ALDH1A3: variants seen among roughly 807,000 people sequenced by gnomAD.
ALDH1A3 encodes the protein retinaldehyde dehydrogenase 3.
A neutral mutation model predicts 57.5 loss-of-function variants in ALDH1A3; 28 were observed. That is an observed-to-expected ratio of 0.49 (90% CI 0.36 to 0.67). ALDH1A3 has a LOEUF of 0.67. ALDH1A3 is among the 30% of genes least tolerant of loss of function. The probability of loss-of-function intolerance (pLI) is 0.00; values close to 1 mark genes in which losing one functional copy is unlikely to be tolerated. For synonymous variants in ALDH1A3, 281 were observed against 264.8 expected, an observed-to-expected ratio of 1.06 and a Z score of -0.59; for missense variants, 507 against 669.4, an observed-to-expected ratio of 0.76 and a Z score of 2.68.
intron 9 of ALDH1A3, among the ~76,000 whole-genome samples, chr15:100,901,857 A>T (rs1224305756): frequency 6.6e-6 from 1 of 152,196 alleles, no homozygotes; most frequent in African/African-American, 2.4e-5. Context: ...ATTTCTGGCC[A>T]TCAGTGCCCA....
At chr15:100,880,180 C>T (rs1305872739) in intron 1 of ALDH1A3, 174 bp downstream of exon 1, 2 of 420,238 alleles carry the variant, frequency 4.8e-6, no homozygotes, top group Middle Eastern at 6.1e-4. Flanking sequence ...CGGGACGTCT[C>T]GGGCGGGATC....
At chr15:100,891,775 A>G (rs550204915) in intron 3 of ALDH1A3, among the ~76,000 whole-genome samples, 6 of 152,368 alleles carry the variant, frequency 3.9e-5, no homozygotes, top group African/African-American at 1.4e-4. Flanking sequence ...AACTGGGGCC[A>G]CTTGTCTGAG....
chr15:100,880,027 AC>A, intron 1 of ALDH1A3, 21 bp downstream of exon 1: 1 of 1,429,190 alleles, frequency 7.0e-7, no homozygotes, highest in African/African-American at 1.5e-5. Context: ...CGCCCCTCCC[AC>A]CCGACGGCCG....
intron 12 of ALDH1A3, among the ~76,000 whole-genome samples, chr15:100,909,359 G>A (rs1475127921): frequency 1.4e-5 from 2 of 138,654 alleles, no homozygotes; most frequent in East Asian, 2.1e-4. Context: ...AACCCTCCAC[G>A]TGTGCATGTA....
intron 1 of ALDH1A3, 147 bp downstream of exon 1, chr15:100,880,153 A>G (rs1022692273): frequency 3.2e-5 from 15 of 464,180 alleles, no homozygotes; most frequent in Admixed American, 1.3e-4. Context: ...GCGGCTCTCC[A>G]GAAACCGCAC....
rs1423678869 is a variant in ALDH1A3 at position 100,889,942 on chromosome 15, G to T, written c.345+2230G>T. Among the ~76,000 whole-genome samples, 1 of 152,192 alleles carries T rather than the reference G, an allele frequency of 6.6e-6. No individual in the cohort carries two copies. Among genetic ancestry groups the T allele is most frequent in the Non-Finnish European group, 1.5e-5 (1 of 68,034 alleles). ...TGCTCTCCACCTCGATATGGTTTCC[G>T]TGCATGTTCATGGAGCGTGTTCTCT... On this transcript the variant is annotated intron_variant, in intron 3 of 12. Coordinates refer to ENST00000329841, the MANE Select transcript of ALDH1A3 (RefSeq NM_000693.4). The surrounding 1 kb of genome is among the most constrained non-coding windows in gnomAD (Gnocchi z 5.1).
intron 9 of ALDH1A3, among the ~76,000 whole-genome samples, chr15:100,903,766 A>C (rs1169804575): frequency 6.6e-6 from 1 of 152,246 alleles, no homozygotes; most frequent in East Asian, 1.9e-4. Context: ...AGCAAGGTAG[A>C]ACATCTTATT....
chr15:100,885,655 CTTTTTTT>C (rs4646657), intron 2 of ALDH1A3, among the ~76,000 whole-genome samples: 6 of 138,348 alleles, frequency 4.3e-5, no homozygotes, highest in East Asian at 2.1e-4. Flanking sequence ...TTTCTTTTTT[CTTTTTTT>C]TTTTTTTTTA....
In ALDH1A3 at chr15:100,905,577, G is replaced by A; in HGVS notation, c.1123G>A (p.Glu375Lys). 6.2e-7 allele frequency: 1 copy of A among 1,614,180 alleles called. No individual in the cohort carries two copies. Among genetic ancestry groups the A allele is most frequent in the East Asian group, 2.2e-5 (1 of 44,870 alleles). Residue 375 changes from glutamate to lysine, a missense_variant, in exon 10 of 13, where the codon GAA (glutamate) becomes AAA (lysine). Around this residue, in one of 2 missense-constraint regions of ALDH1A3, gnomAD observed 432 missense variants for 608.4 expected, o/e 0.71. Coordinates refer to ENST00000329841, the MANE Select transcript of ALDH1A3 (RefSeq NM_000693.4). ...AGAGCTGATCGAGAGTGGGAAGAAG[G>A]AAGGGGCCAAGCTGGAATGCGGGGG... ...ILELIESGKK[E>K]GAKLECGGSA...
rs2041677470 is a variant in ALDH1A3, at chr15:100,894,102, A to T, written c.666+20A>T. 6.2e-7 allele frequency: 1 copy of T among 1,612,990 alleles called. No homozygotes were observed. The highest frequency in any genetic ancestry group is 1.3e-5 in the African/African-American group (1 of 74,948). On this transcript the variant is annotated intron_variant, in intron 6 of 12. Transcript: ENST00000329841. The surrounding 1 kb of genome is among the most constrained non-coding windows in gnomAD (Gnocchi z 4.5). Reference sequence around the variant, plus strand: ...AAAGAGGTGAGACATCCAAAAAGAAAATATCACATGTTCTTGGTAACATTC... The same window carrying T: ...AAAGAGGTGAGACATCCAAAAAGAATATATCACATGTTCTTGGTAACATTC...
intron 12 of ALDH1A3, among the ~76,000 whole-genome samples, chr15:100,909,597 CTGCAAACCCCTCCACTGTGTG>C (rs1271317277): frequency 2.0e-5 from 3 of 152,106 alleles, no homozygotes; most frequent in Admixed American, 6.5e-5. Flanking sequence ...TGCAAACCCA[CTGCAAACCCCTCCACTGTGTG>C]TGCAAACCCC....
In ALDH1A3 at chr15:100,914,966, TTGTC is replaced by T. The variant is rs2041917050; in HGVS notation, c.*197_*200del. ...TCACCAGACTGGGGATGCCTATAGG[TTGTC>T]TGTGAAATCGCAGTCCTGCCTGGGG... On this transcript the variant is annotated 3_prime_UTR_variant, in exon 13 of 13. Transcript: ENST00000329841. The T allele has an allele frequency of 1.7e-6, 1 of 596,444 alleles. No homozygotes were observed. Among genetic ancestry groups the T allele is most frequent in the Non-Finnish European group, 2.9e-6 (1 of 340,362 alleles). 36.9% of individuals were successfully genotyped at this position (596,444 alleles called of 1,614,324 possible).
chr15:100,891,608 G>A (rs541110786), intron 3 of ALDH1A3, among the ~76,000 whole-genome samples: 16 of 152,230 alleles, frequency 1.1e-4, no homozygotes, highest in Non-Finnish European at 2.2e-4. Flanking sequence ...CGGGGAGTGC[G>A]CTGGGGTTAA....
At chr15:100,905,782 G>T (rs2041816467) in intron 10 of ALDH1A3, 95 bp downstream of exon 10, 4 of 1,314,134 alleles carry the variant, frequency 3.0e-6, no homozygotes, top group Non-Finnish European at 4.1e-6. Context: ...CTTGTGATCT[G>T]AGTGTTTTTT....
chr15:100,881,729 G>A (rs2041549565), intron 1 of ALDH1A3, among the ~76,000 whole-genome samples: 1 of 152,198 alleles, frequency 6.6e-6, no homozygotes, highest in Non-Finnish European at 1.5e-5. Context: ...TGGTGGATCG[G>A]CCTGGAGTGC....
rs2041850385 is a variant in ALDH1A3 at position 100,908,625 on chromosome 15, G to C, written c.1466+143G>C. ...GTCTGGGCCAGCTGTGTCCCTCTAGGGTTGGTGGGGACCCATCCCTTCCTC... is the reference window on the plus strand; with the variant it reads ...GTCTGGGCCAGCTGTGTCCCTCTAGCGTTGGTGGGGACCCATCCCTTCCTC... On this transcript the variant is annotated intron_variant, in intron 12 of 12. Coordinates refer to ENST00000329841, the MANE Select transcript of ALDH1A3 (RefSeq NM_000693.4). 5.6e-6 allele frequency: 4 copies of C among 720,204 alleles called. No individual in the cohort carries two copies. In the Admixed American group the frequency reaches 1.0e-4, roughly 18 times the overall value. 44.6% of individuals were successfully genotyped at this position (720,204 alleles called of 1,614,324 possible).
intron 1 of ALDH1A3, among the ~76,000 whole-genome samples, chr15:100,884,100 G>T (rs1289293331): frequency 1.3e-5 from 2 of 152,190 alleles, no homozygotes; most frequent in Non-Finnish European, 2.9e-5. Flanking sequence ...TGCCACGGGG[G>T]TTCTTCTGAT....
At position 100,887,597 on chromosome 15, in the gene ALDH1A3, C is replaced by T; in HGVS notation, c.230C>T (p.Ala77Val). Reference sequence around the variant, plus strand: ...CCCGACGTGGACAAGGCTGTGGAGGCTGCACAGGTTGCCTTCCAGAGGGGC... The same window carrying T: ...CCCGACGTGGACAAGGCTGTGGAGGTTGCACAGGTTGCCTTCCAGAGGGGC... ...DKPDVDKAVE[A>V]AQVAFQRGSP... The change falls in exon 3 of 13, where the codon GCT (alanine) becomes GTT (valine). Residue 77 changes from alanine to valine, a missense_variant. Ala to Val is a moderately conservative substitution (Grantham distance 64). This residue lies in a region of ALDH1A3 where 432 missense variants were observed against 608.4 expected (regional missense o/e 0.71). Transcript: ENST00000329841. This position sits in a 1 kb window ranked among gnomAD's most constrained non-coding sequence, Gnocchi z 4.6. 1 of 1,610,428 alleles carries T rather than the reference C, an allele frequency of 6.2e-7. No individual in the cohort carries two copies. The highest frequency in any genetic ancestry group is 8.5e-7 in the Non-Finnish European group (1 of 1,178,130).
At chr15:100,903,484 C>T (rs1308941621) in intron 9 of ALDH1A3, among the ~76,000 whole-genome samples, 1 of 152,200 alleles carries the variant, frequency 6.6e-6, no homozygotes, top group African/African-American at 2.4e-5. Flanking sequence ...TGCAGTCACA[C>T]ACAAGGCCTC....
Sources: gnomAD v4.1 joint callset for allele counts (sites outside exome capture counted in the v4.1 genomes callset) on GRCh38, gnomAD v4.1.1 for gene constraint, gnomAD v4.1.1 regional missense constraint, Gnocchi (gnomAD v3.1) non-coding constraint, MANE v1.5 for transcripts, NCBI Gene and HGNC (gene_info 2026-07-23, HGNC 2026-07-21) for gene names.